The following ZSCAN18 variants were observed in gnomAD, a reference collection of about 807,000 sequenced individuals.
ZSCAN18 encodes zinc finger and SCAN domain-containing protein 18.
In ZSCAN18, 16 loss-of-function variants were observed where a neutral mutation model predicts 31.1. The ratio of observed to expected loss-of-function variants is 0.51; its 90% confidence interval spans 0.35 to 0.78. ZSCAN18 has a LOEUF of 0.78. Ranked by LOEUF, ZSCAN18 falls within the 30% of genes least tolerant of loss-of-function variation. ZSCAN18 has a pLI of 0.01. For missense variants in ZSCAN18, 731 were observed against 697.4 expected (o/e 1.05, Z -0.54); for synonymous variants, 375 against 320.7 (o/e 1.17, Z -1.81).
chr19:58,115,585 C>T (rs2074723142), intron 1 of ZSCAN18, among the ~76,000 whole-genome samples: 1 of 152,056 alleles, frequency 6.6e-6, no homozygotes, highest in Non-Finnish European at 1.5e-5. Context: ...ACGGGTAGTT[C>T]CCACAACATT....
At position 58,084,691 on chromosome 19, in the gene ZSCAN18, C is replaced by A; in HGVS notation, c.1527G>T (p.Gln509His). Residue 509 changes from glutamine to histidine, a missense_variant, in exon 7 of 7, where the codon CAG becomes CAT. Coordinates refer to ENST00000601144, the MANE Select transcript of ZSCAN18 (RefSeq NM_001145543.2). This position sits in a 1 kb window ranked among gnomAD's most constrained non-coding sequence, Gnocchi z 4.5. ...AACGGGACAGCACAGCGGCTCACCT[C>A]TGCGCCTCTGGGGGTGCGGGGGGAG... is the stretch of plus-strand genomic sequence containing the variant. ...GEAPPAPPEA[Q>H]R 1 of 1,494,970 alleles carries A rather than the reference C, an allele frequency of 6.7e-7. No individual in the cohort carries two copies. The highest frequency in any genetic ancestry group is 2.3e-5 in the East Asian group (1 of 43,060). 92.6% of individuals were successfully genotyped at this position (1,494,970 alleles called of 1,614,324 possible).
At chr19:58,108,690 G>T in intron 1 of ZSCAN18, 1 of 985,440 alleles carries the variant, frequency 1.0e-6, no homozygotes, top group Non-Finnish European at 1.2e-6. Flanking sequence ...CATTTCCAGA[G>T]ATACTTCCAT....
intron 1 of ZSCAN18, among the ~76,000 whole-genome samples, chr19:58,112,915 C>A (rs1283518190): frequency 1.6e-5 from 2 of 121,662 alleles, no homozygotes; most frequent in Non-Finnish European, 3.2e-5. Flanking sequence ...CACACCACTG[C>A]ACTCTAGCCT....
At chr19:58,088,605 T>G in intron 3 of ZSCAN18, 83 bp downstream of exon 3, 1 of 1,487,936 alleles carries the variant, frequency 6.7e-7, no homozygotes, top group Non-Finnish European at 9.1e-7. Context: ...CTGGCTGCCC[T>G]TCTGCCCTCT....
At chr19:58,117,830 AAAG>A (rs1278759926) in intron 1 of ZSCAN18, among the ~76,000 whole-genome samples, 3 of 151,484 alleles carry the variant, frequency 2.0e-5, no homozygotes, top group African/African-American at 7.3e-5. Flanking sequence ...CCCCCGCCCC[AAAG>A]GGGGCCTGCG....
rs745678744 is a variant in ZSCAN18 at position 58,085,249 on chromosome 19, C to G, written c.969G>C (p.Glu323Asp). The G allele has an allele frequency of 6.2e-7, 1 of 1,606,222 alleles. No individual in the cohort carries two copies. Among genetic ancestry groups the G allele is most frequent in the South Asian group, 1.1e-5 (1 of 90,862 alleles). The change falls in exon 7 of 7, where the codon GAG becomes GAC. Residue 323 changes from glutamate to aspartate, a missense_variant. Physicochemically the swap from Glu to Asp is conservative, Grantham distance 45. This residue lies in a region of ZSCAN18 where 597 missense variants were observed against 499.5 expected (regional missense o/e 1.20). Coordinates refer to ENST00000601144, the MANE Select transcript of ZSCAN18 (RefSeq NM_001145543.2). ...CCTTCCCAGGCTGCTCTTCCTCCTC[C>G]TCAGTGGTGCCCGACGGGGGATCGG... ...ALADPPSGTT[E>D]EEEEQPGKAP...
At position 58,089,166 on chromosome 19, in the gene ZSCAN18, A is replaced by G. The variant is rs796323973; in HGVS notation, c.404-329T>C. Among the ~76,000 whole-genome samples the G allele has an allele frequency of 1.1e-4, 16 of 148,990 alleles. No individual in the cohort carries two copies. The South Asian group carries it at 1.5e-3, about 14-fold the overall frequency. On this transcript the variant is annotated intron_variant, in intron 2 of 6. Transcript: ENST00000601144. The stretch of plus-strand genomic sequence containing the variant: ...AAAATACAAAAAATTAGCCGGGCGT[A>G]GTGGCGGGCGCCTGTAGTCCCAGCT...
At chr19:58,105,484 A>AC (rs2074627774) in intron 1 of ZSCAN18, among the ~76,000 whole-genome samples, 1 of 151,990 alleles carries the variant, frequency 6.6e-6, no homozygotes, top group South Asian at 2.1e-4. Context: ...ACACAGTGAA[A>AC]CCCAGTCTCT....
intron 1 of ZSCAN18, among the ~76,000 whole-genome samples, chr19:58,097,377 G>C (rs2146007956): frequency 6.6e-6 from 1 of 151,880 alleles, no homozygotes; most frequent in African/African-American, 2.4e-5. Context: ...TGATGGGAGG[G>C]TGAGTCAGGC....
rs1278069292 is a variant in ZSCAN18, at chr19:58,092,618, C to G, written c.-119-2232G>C. ...AAAGAACCAGAAGTTTGCAGAGAGT[C>G]AACTATCAACCTCTCTCTCTGTGGC... On this transcript the variant is annotated intron_variant, in intron 1 of 6. Transcript: ENST00000601144. 8.8e-6 allele frequency: 5 copies of G among 567,798 alleles called. No homozygotes were observed. The Admixed American group carries it at 3.3e-4, about 37-fold the overall frequency. 35.2% of individuals were successfully genotyped at this position (567,798 alleles called of 1,614,324 possible).
At chr19:58,105,269 G>C (rs2074626216) in intron 1 of ZSCAN18, among the ~76,000 whole-genome samples, 1 of 152,202 alleles carries the variant, frequency 6.6e-6, no homozygotes, top group Non-Finnish European at 1.5e-5. Flanking sequence ...TGAAGACATA[G>C]AAGGAAATTA....
chr19:58,104,693 A>AT (rs1303121386), intron 1 of ZSCAN18, among the ~76,000 whole-genome samples: 1 of 150,062 alleles, frequency 6.7e-6, no homozygotes, highest in African/African-American at 2.5e-5. Context: ...AAAGAGTGAG[A>AT]CTCCATCTCA....
chr19:58,114,226 C>A (rs1040977554), intron 1 of ZSCAN18, among the ~76,000 whole-genome samples: 1 of 152,100 alleles, frequency 6.6e-6, no homozygotes, highest in Non-Finnish European at 1.5e-5. Flanking sequence ...CAAGATCATG[C>A]CATTGTACTC....
intron 1 of ZSCAN18, chr19:58,109,135 T>C: frequency 8.1e-7 from 1 of 1,229,152 alleles, no homozygotes; most frequent in Admixed American, 4.2e-5. Context: ...CAAATGCACC[T>C]CTGGATTTCT....
chr19:58,085,265 G>T lies in ZSCAN18; in HGVS notation c.953C>A (p.Pro318Gln). Reference protein sequence around the residue: ...APPGDALADPPSGTTEEEEEQ... With the variant: ...APPGDALADPQSGTTEEEEEQ... Reference sequence around the variant, plus strand: ...TTCCTCCTCCTCAGTGGTGCCCGACGGGGGATCGGCAAGGGCGTCCCCAGG... The same window carrying T: ...TTCCTCCTCCTCAGTGGTGCCCGACTGGGGATCGGCAAGGGCGTCCCCAGG... Residue 318 changes from proline to glutamine, a missense_variant, in exon 7 of 7, where the codon CCG becomes CAG. By Grantham distance (76) the Pro-to-Gln change is moderately conservative. Transcript: ENST00000601144. The T allele has an allele frequency of 6.2e-7, 1 of 1,603,614 alleles. No individual in the cohort carries two copies. The highest frequency in any genetic ancestry group is 8.5e-7 in the Non-Finnish European group (1 of 1,178,094).
At chr19:58,109,273 T>C (rs2074660226) in intron 1 of ZSCAN18, 3 of 1,231,640 alleles carry the variant, frequency 2.4e-6, no homozygotes, top group Non-Finnish European at 3.0e-6. Context: ...CATCCCAAGT[T>C]GATGCTTCCA....
At chr19:58,103,775 T>C (rs1287762135) in intron 1 of ZSCAN18, among the ~76,000 whole-genome samples, 1 of 145,452 alleles carries the variant, frequency 6.9e-6, no homozygotes, top group Non-Finnish European at 1.5e-5. Flanking sequence ...AAGCTAGAAA[T>C]GATTAAGCTT....
rs998001567 is a variant in ZSCAN18 at position 58,084,410 on chromosome 19, C to T, written c.*275G>A. 3.4e-5 allele frequency: 14 copies of T among 413,934 alleles called. No homozygotes were observed. In the Admixed American group the frequency reaches 5.0e-4, roughly 15 times the overall value. The allele number at this position is 413,934 out of a possible 1,614,324, so 25.6% of individuals were successfully genotyped here. ...TGTCAAATAACCTAGCATGGGGCGG[C>T]ACTAAATGGCTGCAGGAAAGCCGAG... On this transcript the variant is annotated 3_prime_UTR_variant, in exon 7 of 7. Transcript: ENST00000601144. The surrounding 1 kb of genome is among the most constrained non-coding windows in gnomAD (Gnocchi z 4.5).
rs1304419328 is a variant in ZSCAN18 at position 58,084,730 on chromosome 19, G to A, written c.1488C>T (p.Ser496=). The A allele has an allele frequency of 1.8e-5, 27 of 1,529,240 alleles. No homozygotes were observed. Among genetic ancestry groups the A allele is most frequent in the Non-Finnish European group, 2.1e-5 (24 of 1,148,006 alleles). 94.7% of individuals were successfully genotyped at this position (1,529,240 alleles called of 1,614,324 possible). A position where few individuals can be genotyped will look rare whatever the true frequency, so the allele number is the denominator to read the frequency against. The change falls in exon 7 of 7, where the codon AGC becomes AGT. Residue 496 remains serine (S), a synonymous_variant. Transcript: ENST00000601144. The surrounding 1 kb of genome is among the most constrained non-coding windows in gnomAD (Gnocchi z 4.5). ...AGARAGGPPE[S]VEGEAPPAPP... is the part of the protein sequence containing the mutation. ...GTGCGGGGGGAGCCTCGCCCTCCACGCTCTCTGGGGGACCGCCCGCCCTAG... is the reference window on the plus strand; with the variant it reads ...GTGCGGGGGGAGCCTCGCCCTCCACACTCTCTGGGGGACCGCCCGCCCTAG...
Sources: gnomAD v4.1 joint callset for allele counts (sites outside exome capture counted in the v4.1 genomes callset) on GRCh38, gnomAD v4.1.1 for gene constraint, gnomAD v4.1.1 regional missense constraint, Gnocchi (gnomAD v3.1) non-coding constraint, MANE v1.5 for transcripts, NCBI Gene and HGNC (gene_info 2026-07-23, HGNC 2026-07-21) for gene names.